HSD17B6: variants seen among roughly 807,000 people sequenced by gnomAD.
HSD17B6 encodes hydroxysteroid 17-beta dehydrogenase 6.
A neutral mutation model predicts 26.4 loss-of-function variants in HSD17B6; 16 were observed. That is an observed-to-expected ratio of 0.61 (90% CI 0.41 to 0.92). The LOEUF (loss-of-function observed/expected upper bound fraction) is 0.92. HSD17B6 is among the 40% of genes least tolerant of loss of function. The probability of loss-of-function intolerance (pLI) is 0.00; values close to 1 mark genes in which losing one functional copy is unlikely to be tolerated. For missense variants in HSD17B6, 357 were observed against 386.1 expected (o/e 0.92, Z 0.63); for synonymous variants, 139 against 153.0 (o/e 0.91, Z 0.68).
chr12:56,773,935 A>G lies in HSD17B6; in HGVS notation c.83A>G (p.Gln28Arg). 6.2e-7 allele frequency: 1 copy of G among 1,614,050 alleles called. No individual in the cohort carries two copies. The highest frequency in any genetic ancestry group is 8.5e-7 in the Non-Finnish European group (1 of 1,179,942). Reference sequence around the variant, plus strand: ...GAGAGGCAGGTGGTGAGCCACCTCCAAGACAAGTATGTCTTTATCACGGGC... The same window carrying G: ...GAGAGGCAGGTGGTGAGCCACCTCCGAGACAAGTATGTCTTTATCACGGGC... ...YRERQVVSHL[Q>R]DKYVFITGCD... The change falls in exon 2 of 5, where the codon CAA (glutamine) becomes CGA (arginine). Residue 28 changes from glutamine (Q) to arginine (R), a missense_variant. Physicochemically the swap from Gln to Arg is conservative, Grantham distance 43. Coordinates refer to ENST00000322165, the MANE Select transcript of HSD17B6 (RefSeq NM_003725.4).
chr12:56,767,692 G>T (rs1954368504), intron 1 of HSD17B6, among the ~76,000 whole-genome samples: 1 of 140,330 alleles, frequency 7.1e-6, no homozygotes, highest in Admixed American at 7.3e-5. Context: ...ACACAATAGA[G>T]GGTATATTAT....
In HSD17B6 at chr12:56,785,096, A is replaced by T. The variant is rs1314055084; in HGVS notation, c.736+80A>T. The T allele has an allele frequency of 4.4e-6, 6 of 1,371,200 alleles. No individual in the cohort carries two copies. In the African/African-American group the frequency reaches 8.8e-5, roughly 20 times the overall value. The allele number at this position is 1,371,200 out of a possible 1,614,324, so 84.9% of individuals were successfully genotyped here. A position where few individuals can be genotyped will look rare whatever the true frequency, so the allele number is the denominator to read the frequency against. On this transcript the variant is annotated intron_variant, in intron 4 of 4. Transcript: ENST00000322165. ...ATGCTGCTATGAAGAAATAACTGAGACTGGGTAATTTATAAAGAAAAGAGG... is the reference window on the plus strand; with the variant it reads ...ATGCTGCTATGAAGAAATAACTGAGTCTGGGTAATTTATAAAGAAAAGAGG...
At chr12:56,780,805 C>G (rs547134424) in intron 2 of HSD17B6, among the ~76,000 whole-genome samples, 1 of 147,100 alleles carries the variant, frequency 6.8e-6, no homozygotes, top group African/African-American at 2.5e-5. Context: ...GTGGAGATCC[C>G]GCCACTGCAC....
intron 3 of HSD17B6, among the ~76,000 whole-genome samples, 156 bp downstream of exon 3, chr12:56,782,388 T>A (rs1954740508): frequency 6.6e-6 from 1 of 152,256 alleles, no homozygotes; most frequent in Non-Finnish European, 1.5e-5. Context: ...GCTCAAATTT[T>A]CTCATCTGTC....
At position 56,763,407 on chromosome 12, in the gene HSD17B6, C is replaced by G. The variant is rs1275849214; in HGVS notation, c.-27C>G. 1 of 150,628 alleles carries G rather than the reference C, an allele frequency of 6.6e-6. No homozygotes were observed. Among genetic ancestry groups the G allele is most frequent in the Admixed American group, 6.7e-5 (1 of 14,948 alleles). 9.3% of individuals were successfully genotyped at this position (150,628 alleles called of 1,614,324 possible). A position where few individuals can be genotyped will look rare whatever the true frequency, so the allele number is the denominator to read the frequency against. ...TCTCTAGGACTGGACTCTTCCTAAG[C>G]AAGTCCGGTATGTAGGTGGGTAAGG... is the stretch of plus-strand genomic sequence containing the variant. On this transcript the variant is annotated 5_prime_UTR_variant, in exon 1 of 5. Coordinates refer to ENST00000322165, the MANE Select transcript of HSD17B6 (RefSeq NM_003725.4).
chr12:56,769,652 A>T (rs1415920202), intron 1 of HSD17B6, among the ~76,000 whole-genome samples: 1 of 152,254 alleles, frequency 6.6e-6, no homozygotes, highest in African/African-American at 2.4e-5. Context: ...AAGTTAATTG[A>T]GAATGTCAAA....
rs145285916 is a variant in HSD17B6, at chr12:56,778,025, T to C, written c.313+3860T>C. Reference sequence around the variant, plus strand: ...TTAGACTGTGAGCTCCTTGAAGATATGGGCCTCTCTTACTCATTTTTATAT... The same window carrying C: ...TTAGACTGTGAGCTCCTTGAAGATACGGGCCTCTCTTACTCATTTTTATAT... On this transcript the variant is annotated intron_variant, in intron 2 of 4. Transcript: ENST00000322165. Among the ~76,000 whole-genome samples, 119 of 152,332 alleles carry C rather than the reference T, an allele frequency of 7.8e-4. 1 individual carries two copies. The highest frequency in any genetic ancestry group is 2.8e-3 in the African/African-American group (117 of 41,582).
intron 1 of HSD17B6, among the ~76,000 whole-genome samples, chr12:56,766,292 C>A (rs1954327305): frequency 1.3e-5 from 2 of 152,200 alleles, no homozygotes; most frequent in African/African-American, 4.8e-5. Context: ...GTTTGGTGAT[C>A]TCTTCACTGG....
chr12:56,774,325 G>C (rs1416104006), intron 2 of HSD17B6, among the ~76,000 whole-genome samples, 160 bp downstream of exon 2: 1 of 152,134 alleles, frequency 6.6e-6, no homozygotes, highest in African/African-American at 2.4e-5. Flanking sequence ...GCAGTATTTG[G>C]TTATAACCTA....
At chr12:56,783,716 C>G (rs1310644986) in intron 3 of HSD17B6, among the ~76,000 whole-genome samples, 13 of 143,448 alleles carry the variant, frequency 9.1e-5, no homozygotes, top group African/African-American at 2.4e-4. Flanking sequence ...CCCTCCCGGA[C>G]GGGACGGCTG....
At chr12:56,782,291 G>T (rs529425917) in intron 3 of HSD17B6, 59 bp downstream of exon 3, 1 of 1,520,234 alleles carries the variant, frequency 6.6e-7, no homozygotes, top group Admixed American at 1.9e-5. Context: ...TAGGCATTGT[G>T]CTAGTTGCTT....
At chr12:56,765,476 C>T (rs781206304) in intron 1 of HSD17B6, among the ~76,000 whole-genome samples, 2 of 151,976 alleles carry the variant, frequency 1.3e-5, no homozygotes, top group African/African-American at 4.8e-5. Flanking sequence ...ACACAAAAAA[C>T]CAATCCTTTT....
chr12:56,769,103 GTTTTT>G (rs35174136), intron 1 of HSD17B6, among the ~76,000 whole-genome samples: 1 of 130,032 alleles, frequency 7.7e-6, no homozygotes, highest in African/African-American at 2.9e-5. Context: ...GCTTTTCAAG[GTTTTT>G]TTTTTTTTTT....
intron 1 of HSD17B6, among the ~76,000 whole-genome samples, chr12:56,769,958 A>T (rs1354058172): frequency 6.6e-6 from 1 of 152,052 alleles, no homozygotes; most frequent in East Asian, 1.9e-4. Context: ...CTAATGGGGG[A>T]AATACGTTTT....
At chr12:56,775,333 T>G (rs1471933624) in intron 2 of HSD17B6, among the ~76,000 whole-genome samples, 1 of 152,186 alleles carries the variant, frequency 6.6e-6, no homozygotes, top group Admixed American at 6.5e-5. Flanking sequence ...TCTTCCTGCC[T>G]CACCCTTTCA....
chr12:56,784,784 T>C, intron 3 of HSD17B6, 69 bp from the exon 4 acceptor site: 3 of 1,476,972 alleles, frequency 2.0e-6, no homozygotes, highest in Non-Finnish European at 2.8e-6. Flanking sequence ...TTTTTTGTTT[T>C]GCTTTTCCTT....
At chr12:56,783,468 T>C (rs551931425) in intron 3 of HSD17B6, among the ~76,000 whole-genome samples, 10 of 118,916 alleles carry the variant, frequency 8.4e-5, no homozygotes, top group Admixed American at 1.6e-4. Flanking sequence ...ACCTCCCGGA[T>C]GGGGCAGCTG....
At chr12:56,780,517 A>G (rs1954690427) in intron 2 of HSD17B6, among the ~76,000 whole-genome samples, 1 of 152,102 alleles carries the variant, frequency 6.6e-6, no homozygotes, top group South Asian at 2.1e-4. Flanking sequence ...ACATTCCACA[A>G]GTTACTTCCT....
Position 56,766,869 on chromosome 12 carries a change from C to T in HSD17B6, c.-20+3455C>T, listed in dbSNP as rs544735008. ...CTGTAGGAGAACGGGAGTAGAGCAT[C>T]TCAGAAGTGAACGGAGAAGCGTGTG... On this transcript the variant is annotated intron_variant, in intron 1 of 4. Transcript: ENST00000322165. Among the ~76,000 whole-genome samples, 4 of 152,268 alleles carry T rather than the reference C, an allele frequency of 2.6e-5. No individual in the cohort carries two copies. The East Asian group carries it at 7.7e-4, about 29-fold the overall frequency.
Sources: allele counts gnomAD v4.1 joint callset (sites outside exome capture counted in the v4.1 genomes callset), GRCh38; gene constraint gnomAD v4.1.1; transcripts MANE v1.5; gene names NCBI Gene and HGNC (gene_info 2026-07-23, HGNC 2026-07-21).